The following CCSER1 variants were observed in gnomAD, a reference collection of about 807,000 sequenced individuals.
The protein encoded by CCSER1 is coiled-coil serine rich protein 1, also known as serine-rich coiled-coil domain-containing protein 1.
A neutral mutation model predicts 82.0 loss-of-function variants in CCSER1; 41 were observed. The ratio of observed to expected loss-of-function variants is 0.50; its 90% CI spans 0.39 to 0.65. The LOEUF (loss-of-function observed/expected upper bound fraction) is 0.65. CCSER1 is among the 30% of genes least tolerant of loss of function. The pLI is 0.00. For synonymous variants in CCSER1, 414 were observed against 383.9 expected, an observed-to-expected ratio of 1.08 and a Z score of -0.92; for missense variants, 1,119 against 1,064.2, an observed-to-expected ratio of 1.05 and a Z score of -0.72.
intron 10 of CCSER1, among the ~76,000 whole-genome samples, chr4:91,566,488 G>A (rs753927251): frequency 3.3e-5 from 5 of 152,054 alleles, no homozygotes; most frequent in Admixed American, 6.6e-5. Flanking sequence ...TGAGCATCTG[G>A]TAGAATTCAG....
chr4:90,411,105 T>C (rs543648156), intron 4 of CCSER1, among the ~76,000 whole-genome samples: 27 of 152,166 alleles, frequency 1.8e-4, no homozygotes, highest in East Asian at 1.5e-3. Flanking sequence ...AGACCAATAA[T>C]AGGCTCTGAA....
chr4:90,585,894 C>G (rs1333551346), intron 5 of CCSER1, among the ~76,000 whole-genome samples: 1 of 152,154 alleles, frequency 6.6e-6, no homozygotes, highest in African/African-American at 2.4e-5. Flanking sequence ...TGCTATGTGA[C>G]ATTATCGCAT....
intron 7 of CCSER1, among the ~76,000 whole-genome samples, chr4:90,771,799 T>G (rs1752222849): frequency 6.6e-6 from 1 of 152,046 alleles, no homozygotes; most frequent in Non-Finnish European, 1.5e-5. Context: ...AAACACAGCT[T>G]TGTGTGGTGT....
chr4:90,838,483 T>C (rs534411632), intron 8 of CCSER1, among the ~76,000 whole-genome samples: 2 of 149,656 alleles, frequency 1.3e-5, no homozygotes, highest in African/African-American at 2.5e-5. Flanking sequence ...TATTTCATAA[T>C]ATTTTTTTTA....
rs36091173 is a variant in CCSER1 at position 91,574,256 on chromosome 4, GAAA to G, written c.2218-24307_2218-24305del. The stretch of plus-strand genomic sequence containing the variant: ...AAAAACAGATGCTACTGAGGTTCTG[GAAA>G]AAAAAAAATGAATGCTTATACATAT... On this transcript the variant is annotated intron_variant, in intron 10 of 10. Coordinates refer to ENST00000509176, the MANE Select transcript of CCSER1 (RefSeq NM_001145065.2). Among the ~76,000 whole-genome samples the G allele has an allele frequency of 9.0e-3, 1,353 of 150,218 alleles. 8 individuals are homozygous for G. The highest frequency in any genetic ancestry group is 0.021 in the Middle Eastern group (6 of 286).
chr4:91,091,222 G>A (rs536329635), intron 10 of CCSER1, among the ~76,000 whole-genome samples: 1 of 152,160 alleles, frequency 6.6e-6, no homozygotes, highest in South Asian at 2.1e-4. Context: ...TTCTGTTCTG[G>A]CTAATACTTT....
rs181126663 is a variant in CCSER1 at position 91,176,552 on chromosome 4, T to A, written c.2217+90558T>A. 4.2e-3 allele frequency among the ~76,000 whole-genome samples: 647 copies of A among 152,300 alleles called. 5 individuals are homozygous for A. Among genetic ancestry groups the A allele is most frequent in the Middle Eastern group, 0.014 (4 of 294 alleles). On this transcript the variant is annotated intron_variant, in intron 10 of 10. Transcript: ENST00000509176. ...TCCTTCACATCCCTTGTAAGTTGGA[T>A]TCCTAGGTATTTTATTCTCTTTGAA...
chr4:90,854,611 C>G (rs942947176), intron 8 of CCSER1, among the ~76,000 whole-genome samples: 1 of 152,152 alleles, frequency 6.6e-6, no homozygotes. Flanking sequence ...ACTTTTCCAT[C>G]CTCCAAGACC....
chr4:91,448,017 A>T (rs563488044), intron 10 of CCSER1, among the ~76,000 whole-genome samples: 1 of 152,154 alleles, frequency 6.6e-6, no homozygotes, highest in Non-Finnish European at 1.5e-5. Context: ...AGAGTTGAGT[A>T]ATGTAATTTA....
intron 10 of CCSER1, among the ~76,000 whole-genome samples, chr4:91,353,604 C>T (rs1004532315): frequency 2.6e-5 from 4 of 152,128 alleles, no homozygotes; most frequent in Non-Finnish European, 5.9e-5. Context: ...CTCCTTTCCC[C>T]CCTTTGAGAC....
chr4:90,395,805 C>A (rs1334230567), intron 3 of CCSER1, among the ~76,000 whole-genome samples: 1 of 151,618 alleles, frequency 6.6e-6, no homozygotes, highest in Non-Finnish European at 1.5e-5. Flanking sequence ...ATTATTAAAA[C>A]CTTCATGCCT....
At chr4:90,812,955 G>T (rs1398777636) in intron 7 of CCSER1, among the ~76,000 whole-genome samples, 2 of 152,080 alleles carry the variant, frequency 1.3e-5, no homozygotes, top group African/African-American at 4.8e-5. Context: ...GATTTGGGTG[G>T]GATCACAGAG....
intron 10 of CCSER1, among the ~76,000 whole-genome samples, chr4:91,585,893 G>T (rs1044375410): frequency 6.6e-6 from 1 of 151,598 alleles, no homozygotes; most frequent in Non-Finnish European, 1.5e-5. Flanking sequence ...TCAGTAGGAA[G>T]GTATTGAAAG....
At chr4:90,305,720 C>A (rs745327945) in intron 1 of CCSER1, among the ~76,000 whole-genome samples, 3 of 152,170 alleles carry the variant, frequency 2.0e-5, no homozygotes. Flanking sequence ...AACTCTTGCA[C>A]ACTGTTGGTG....
chr4:91,019,383 C>T (rs1739720656), intron 9 of CCSER1, among the ~76,000 whole-genome samples: 1 of 151,956 alleles, frequency 6.6e-6, no homozygotes, highest in African/African-American at 2.4e-5. Flanking sequence ...TTACAGAAGA[C>T]ATCATCATGA....
In CCSER1 at chr4:90,691,946, A is replaced by G. The variant is rs982374182; in HGVS notation, c.1933-31968A>G. Among the ~76,000 whole-genome samples, 8 of 151,508 alleles carry G rather than the reference A, an allele frequency of 5.3e-5. No individual in the cohort carries two copies. In the South Asian group the frequency reaches 1.5e-3, roughly 28 times the overall value. The stretch of plus-strand genomic sequence containing the variant: ...AACACTTATATTAAGTGACATGTTA[A>G]TGTATGTTCTGGAAGAACACACCAA... On this transcript the variant is annotated intron_variant, in intron 6 of 10. Coordinates refer to ENST00000509176, the MANE Select transcript of CCSER1 (RefSeq NM_001145065.2).
At chr4:91,565,554 T>G (rs1021008490) in intron 10 of CCSER1, among the ~76,000 whole-genome samples, 3 of 152,070 alleles carry the variant, frequency 2.0e-5, no homozygotes, top group Non-Finnish European at 4.4e-5. Context: ...TTTCCATTTG[T>G]TTGTATCTTC....
intron 10 of CCSER1, among the ~76,000 whole-genome samples, chr4:91,443,043 A>G (rs973554890): frequency 1.3e-5 from 2 of 152,114 alleles, no homozygotes; most frequent in African/African-American, 4.8e-5. Context: ...AACTATTTCA[A>G]CCATTGTGGA....
chr4:90,429,061 A>G (rs1757916737), intron 4 of CCSER1, among the ~76,000 whole-genome samples: 1 of 151,806 alleles, frequency 6.6e-6, no homozygotes, highest in Non-Finnish European at 1.5e-5. Flanking sequence ...TAATATGGTA[A>G]CATTTGTGTA....
Sources: gnomAD v4.1 joint callset for allele counts (sites outside exome capture counted in the v4.1 genomes callset) on GRCh38, gnomAD v4.1.1 for gene constraint, MANE v1.5 for transcripts, NCBI Gene and HGNC (gene_info 2026-07-23, HGNC 2026-07-21) for gene names.